Variants in EPHB1 observed in about 807,000 individuals in gnomAD.
EPHB1 encodes EPH receptor B1.
A neutral mutation model predicts 94.4 loss-of-function variants in EPHB1; 30 were observed. The observed-to-expected ratio is 0.32, with a 90% CI of 0.24 to 0.43. The LOEUF (loss-of-function observed/expected upper bound fraction) is 0.43, where lower values mean the gene tolerates loss of function less well. Ranked by LOEUF, EPHB1 falls within the 20% of genes least tolerant of loss-of-function variation. The pLI is 1.00. For synonymous variants in EPHB1, 522 were observed against 489.1 expected, an observed-to-expected ratio of 1.07 and a Z score of -0.89; for missense variants, 1,055 against 1,308.3, an observed-to-expected ratio of 0.81 and a Z score of 2.99.
intron 10 of EPHB1, among the ~76,000 whole-genome samples, chr3:135,190,173 A>T (rs1401253344): frequency 1.3e-5 from 2 of 152,216 alleles, no homozygotes; most frequent in African/African-American, 4.8e-5. Flanking sequence ...CTTATTATTT[A>T]AATGGCCATA....
chr3:135,090,189 C>G (rs920616754), intron 3 of EPHB1, among the ~76,000 whole-genome samples: 1 of 152,210 alleles, frequency 6.6e-6, no homozygotes, highest in Non-Finnish European at 1.5e-5. Flanking sequence ...ATCCACTGGT[C>G]CATTCACATG....
intron 12 of EPHB1, among the ~76,000 whole-genome samples, chr3:135,235,573 G>A (rs778534890): frequency 3.3e-5 from 5 of 152,048 alleles, no homozygotes; most frequent in Admixed American, 1.3e-4. Flanking sequence ...CGAGAAATTC[G>A]AATAAATTAA....
At chr3:135,219,147 G>T (rs1334884120) in intron 12 of EPHB1, among the ~76,000 whole-genome samples, 1 of 152,282 alleles carries the variant, frequency 6.6e-6, no homozygotes. Flanking sequence ...GAAAGTACTT[G>T]ATGTGCTTAC....
chr3:134,804,071 A>ATTTTTTTTTTTTTTTTTTTTTTTT lies in EPHB1; in HGVS notation c.58+8394_58+8417dup, dbSNP rs572201781. ...ACCCCCACTGTGGTCATTATTGGCTATTTTTTTTTTTTTTTTTTTTTTTTT... is the reference window on the plus strand; with the variant it reads ...ACCCCCACTGTGGTCATTATTGGCTATTTTTTTTTTTTTTTTTTTTTTTTTTTTTTTTTTTTTTTTTTTTTTTTT... On this transcript the variant is annotated intron_variant, in intron 1 of 15. Transcript: ENST00000398015. Among the ~76,000 whole-genome samples the ATTTTTTTTTTTTTTTTTTTTTTTT allele has an allele frequency of 6.9e-5, 3 of 43,750 alleles. 1 individual carries two copies. The highest frequency in any genetic ancestry group is 1.9e-4 in the African/African-American group (2 of 10,488). 28.7% of individuals were successfully genotyped at this position (43,750 alleles called of 152,430 possible). A position where few individuals can be genotyped will look rare whatever the true frequency, so the allele number is the denominator to read the frequency against.
At chr3:135,188,352 G>T (rs749641528) in intron 10 of EPHB1, among the ~76,000 whole-genome samples, 1 of 145,782 alleles carries the variant, frequency 6.9e-6, no homozygotes, top group African/African-American at 2.6e-5. Flanking sequence ...AAAATTAGCC[G>T]GGCGTTGTGG....
chr3:135,047,111 A>G (rs945497115), intron 3 of EPHB1, among the ~76,000 whole-genome samples: 3 of 152,124 alleles, frequency 2.0e-5, no homozygotes, highest in Admixed American at 1.3e-4. Context: ...CCTGTTGACC[A>G]TTAGCCCGGC....
intron 15 of EPHB1, among the ~76,000 whole-genome samples, chr3:135,258,570 A>G (rs1933515308): frequency 6.6e-6 from 1 of 152,178 alleles, no homozygotes; most frequent in Non-Finnish European, 1.5e-5. Context: ...TCAGGGGAAA[A>G]CATCAGAAGA....
chr3:135,116,888 A>AC (rs1196447566), intron 4 of EPHB1, among the ~76,000 whole-genome samples: 1 of 152,126 alleles, frequency 6.6e-6, no homozygotes, highest in African/African-American at 2.4e-5. Context: ...CCTTTCCCAA[A>AC]CCAGGACCAT....
chr3:135,236,700 A>C (rs1397869224), intron 12 of EPHB1, among the ~76,000 whole-genome samples: 1 of 152,194 alleles, frequency 6.6e-6, no homozygotes, highest in African/African-American at 2.4e-5. Flanking sequence ...CATGCTGCAC[A>C]ACAGAAATAT....
intron 1 of EPHB1, among the ~76,000 whole-genome samples, chr3:134,820,589 A>G (rs1268325030): frequency 2.0e-5 from 3 of 152,234 alleles, no homozygotes; most frequent in Non-Finnish European, 4.4e-5. Flanking sequence ...TGCAGAGACA[A>G]GCAGCCAGAA....
At chr3:135,057,366 A>G (rs1442714563) in intron 3 of EPHB1, among the ~76,000 whole-genome samples, 5 of 152,150 alleles carry the variant, frequency 3.3e-5, no homozygotes, top group African/African-American at 1.2e-4. Flanking sequence ...GGCTCATTCC[A>G]TATTCTGCTC....
At chr3:134,910,106 C>T (rs2038421723) in intron 1 of EPHB1, among the ~76,000 whole-genome samples, 1 of 152,218 alleles carries the variant, frequency 6.6e-6, no homozygotes, top group African/African-American at 2.4e-5. Context: ...TGCAGTGTAG[C>T]TAAGAGTGCC....
chr3:135,170,598 GCTGA>G (rs1941778677), intron 9 of EPHB1, among the ~76,000 whole-genome samples: 1 of 152,096 alleles, frequency 6.6e-6, no homozygotes, highest in South Asian at 2.1e-4. Context: ...GTAGGTGCTG[GCTGA>G]CTAACAGTTG....
intron 4 of EPHB1, among the ~76,000 whole-genome samples, chr3:135,117,073 A>G (rs753662788): frequency 6.6e-6 from 1 of 152,246 alleles, no homozygotes; most frequent in South Asian, 2.1e-4. Flanking sequence ...GCATAAAGGT[A>G]GATTCTGAGT....
intron 4 of EPHB1, among the ~76,000 whole-genome samples, chr3:135,126,310 T>C (rs1940204192): frequency 6.6e-6 from 1 of 152,164 alleles, no homozygotes; most frequent in Admixed American, 6.5e-5. Flanking sequence ...GAGTCTTGAG[T>C]ATCAAGTGTC....
chr3:134,899,835 T>C (rs1050576722), intron 1 of EPHB1, among the ~76,000 whole-genome samples: 2 of 152,186 alleles, frequency 1.3e-5, no homozygotes, highest in Admixed American at 1.3e-4. Context: ...CTACCATGCC[T>C]GGAGGAGCTT....
In EPHB1 at chr3:135,019,315, G is replaced by A. The variant is rs75240735; in HGVS notation, c.805+67263G>A. Among the ~76,000 whole-genome samples, 4 of 152,276 alleles carry A rather than the reference G, an allele frequency of 2.6e-5. No individual in the cohort carries two copies. The East Asian group carries it at 5.8e-4, about 22-fold the overall frequency. On this transcript the variant is annotated intron_variant, in intron 3 of 15. Coordinates refer to ENST00000398015, the MANE Select transcript of EPHB1 (RefSeq NM_004441.5). Reference sequence around the variant, plus strand: ...TGGGGTCCCTTAGGCTGGTCAAGCAGGGTGGGGCTTTAAAACGGCTTCCAC... The same window carrying A: ...TGGGGTCCCTTAGGCTGGTCAAGCAAGGTGGGGCTTTAAAACGGCTTCCAC...
chr3:134,923,258 T>A (rs1407843366), intron 1 of EPHB1, among the ~76,000 whole-genome samples: 3 of 152,252 alleles, frequency 2.0e-5, no homozygotes, highest in African/African-American at 7.2e-5. Flanking sequence ...TTACTCCTGT[T>A]CATTCCCAGT....
At chr3:135,226,738 C>T (rs1409926417) in intron 12 of EPHB1, among the ~76,000 whole-genome samples, 1 of 151,798 alleles carries the variant, frequency 6.6e-6, no homozygotes, top group Non-Finnish European at 1.5e-5. Context: ...GGTTGTTGGC[C>T]TATCTGAAGA....
Sources: gnomAD v4.1 joint callset for allele counts (sites outside exome capture counted in the v4.1 genomes callset) on GRCh38, gnomAD v4.1.1 for gene constraint, MANE v1.5 for transcripts, NCBI Gene and HGNC (gene_info 2026-07-23, HGNC 2026-07-21) for gene names.